Variants in RANBP2 observed in about 807,000 individuals in gnomAD.
RANBP2 encodes RAN binding protein 2.
Under a neutral mutation model 303.6 loss-of-function variants are expected in RANBP2, and 57 were observed. The ratio of observed to expected loss-of-function variants is 0.19; its 90% CI spans 0.15 to 0.23. RANBP2 has a LOEUF of 0.23. Among genes scored for constraint, RANBP2 ranks in the 10% least tolerant of loss-of-function variants. The probability of loss-of-function intolerance (pLI) is 1.00; values close to 1 mark genes in which losing one functional copy is unlikely to be tolerated. For synonymous variants in RANBP2, 1,167 were observed against 1,301.5 expected, an observed-to-expected ratio of 0.90 and a Z score of 2.23; for missense variants, 3,138 against 3,780.8, an observed-to-expected ratio of 0.83 and a Z score of 4.46.
At chr2:109,068,765 G>A in the RANBP2 span, among the ~76,000 whole-genome samples, 4 of 152,156 alleles carry the variant, frequency 2.6e-5, no homozygotes, top group East Asian at 1.9e-4. Flanking sequence ...TTCCTCATTC[G>A]TTGAGTTGGA....
At chr2:109,069,955 T>C in the RANBP2 span, among the ~76,000 whole-genome samples, 2 of 152,230 alleles carry the variant, frequency 1.3e-5, no homozygotes, top group Non-Finnish European at 2.9e-5. Flanking sequence ...ACTTTCAGAA[T>C]GTAATCAGTG....
chr2:109,243,097 T>C, the RANBP2 span, among the ~76,000 whole-genome samples: 1 of 152,156 alleles, frequency 6.6e-6, no homozygotes, highest in Non-Finnish European at 1.5e-5. Context: ...CAGCAGCAGA[T>C]GAGATGGGAG....
the RANBP2 span, among the ~76,000 whole-genome samples, chr2:108,982,335 T>C: frequency 6.6e-6 from 1 of 152,168 alleles, no homozygotes; most frequent in Non-Finnish European, 1.5e-5. Flanking sequence ...CCTCAGACCC[T>C]CCCTGGTGGG....
the RANBP2 span, among the ~76,000 whole-genome samples, chr2:109,262,897 A>AT: frequency 6.6e-6 from 1 of 152,016 alleles, no homozygotes; most frequent in African/African-American, 2.4e-5. Context: ...CAGTGGCATG[A>AT]TCTTGGCTCA....
chr2:108,816,886 C>T, the RANBP2 span, among the ~76,000 whole-genome samples: 1 of 152,122 alleles, frequency 6.6e-6, no homozygotes, highest in African/African-American at 2.4e-5. Context: ...TTGTAGAGAT[C>T]AGACCTGGCT....
chr2:109,034,329 A>G, the RANBP2 span, among the ~76,000 whole-genome samples: 25 of 151,662 alleles, frequency 1.6e-4, no homozygotes, highest in Admixed American at 2.6e-4. Context: ...AGAAGGGTCA[A>G]TTTCTACGTT....
chr2:109,474,610 AG>A, the RANBP2 span, among the ~76,000 whole-genome samples: 3 of 152,132 alleles, frequency 2.0e-5, no homozygotes, highest in African/African-American at 2.4e-5. Flanking sequence ...AGGTTTGGGC[AG>A]GGGGGGAGAA....
At chr2:108,983,761 C>T in the RANBP2 span, among the ~76,000 whole-genome samples, 1 of 152,208 alleles carries the variant, frequency 6.6e-6, no homozygotes, top group South Asian at 2.1e-4. Context: ...ACTCCAAAGG[C>T]CATATGGAGT....
At chr2:108,816,062 A>G in the RANBP2 span, 13 of 1,613,116 alleles carry the variant, frequency 8.1e-6, no homozygotes, top group East Asian at 4.5e-5. Flanking sequence ...CCACAACTCA[A>G]ATTTGCTTCC....
chr2:109,592,124 C>A, the RANBP2 span, among the ~76,000 whole-genome samples: 9 of 151,902 alleles, frequency 5.9e-5, no homozygotes, highest in Admixed American at 2.6e-4. Context: ...TAAACTCTGC[C>A]ATTCACAGGA....
At chr2:109,145,536 T>C in the RANBP2 span, among the ~76,000 whole-genome samples, 1 of 152,224 alleles carries the variant, frequency 6.6e-6, no homozygotes, top group Admixed American at 6.5e-5. Flanking sequence ...AAGGGGCTGC[T>C]TCCTCACACA....
At chr2:109,111,264 G>A in the RANBP2 span, among the ~76,000 whole-genome samples, 4 of 151,806 alleles carry the variant, frequency 2.6e-5, no homozygotes, top group Non-Finnish European at 5.9e-5. Context: ...CATTTTTTTC[G>A]AAGCAGAACT....
At chr2:108,923,261 G>T in the RANBP2 span, 11 of 1,097,180 alleles carry the variant, frequency 1.0e-5, no homozygotes, top group African/African-American at 1.4e-4. Context: ...CTGTTACTGT[G>T]ATTCACCTTG....
At chr2:109,601,305 T>C in the RANBP2 span, among the ~76,000 whole-genome samples, 2 of 152,210 alleles carry the variant, frequency 1.3e-5, no homozygotes, top group African/African-American at 4.8e-5. Context: ...GACATCACTT[T>C]GGAAGTTTTA....
chr2:108,741,037 A>G (rs992420643), intron 7 of RANBP2, among the ~76,000 whole-genome samples: 5 of 152,208 alleles, frequency 3.3e-5, no homozygotes, highest in African/African-American at 1.2e-4. Context: ...CAAAATCTTA[A>G]TAAGTAGATG....
At chr2:109,056,987 T>A in the RANBP2 span, among the ~76,000 whole-genome samples, 1 of 152,230 alleles carries the variant, frequency 6.6e-6, no homozygotes, top group Non-Finnish European at 1.5e-5. Flanking sequence ...GTTCCTGTTT[T>A]TCAGTCTCTT....
At chr2:109,564,100 T>A in the RANBP2 span, 1 of 332,472 alleles carries the variant, frequency 3.0e-6, no homozygotes, top group Non-Finnish European at 5.4e-6. Flanking sequence ...CATGTCAGCA[T>A]GAACTGAAAC....
chr2:109,049,453 G>A, the RANBP2 span, among the ~76,000 whole-genome samples: 1 of 152,138 alleles, frequency 6.6e-6, no homozygotes, highest in African/African-American at 2.4e-5. Flanking sequence ...GCACTTCTCT[G>A]CTTGTCCTGT....
the RANBP2 span, among the ~76,000 whole-genome samples, chr2:109,736,534 G>A: frequency 6.6e-6 from 1 of 152,056 alleles, no homozygotes; most frequent in East Asian, 1.9e-4. Flanking sequence ...TTTTACAATC[G>A]ATTCCCCAAA....
Sources: allele counts gnomAD v4.1 joint callset (sites outside exome capture counted in the v4.1 genomes callset), GRCh38; gene constraint gnomAD v4.1.1; transcripts MANE v1.5; gene names NCBI Gene and HGNC (gene_info 2026-07-23, HGNC 2026-07-21).